Variants in CDC37L1 observed in about 807,000 individuals in gnomAD.
The protein encoded by CDC37L1 is hsp90 co-chaperone Cdc37-like 1.
A neutral mutation model predicts 45.9 loss-of-function variants in CDC37L1; 32 were observed. That is an observed-to-expected ratio of 0.70 (90% CI 0.53 to 0.94). The LOEUF (loss-of-function observed/expected upper bound fraction) is 0.94. Among genes scored for constraint, CDC37L1 ranks in the 40% least tolerant of loss-of-function variants. CDC37L1 has a pLI of 0.00. For synonymous variants in CDC37L1, 150 were observed against 133.0 expected, an observed-to-expected ratio of 1.13 and a Z score of -0.88; for missense variants, 434 against 405.7, an observed-to-expected ratio of 1.07 and a Z score of -0.60.
In CDC37L1 at chr9:4,701,962, G is replaced by A. The variant is rs780950371; in HGVS notation, c.846G>A (p.Met282Ile). The change falls in exon 6 of 7, where the codon ATG becomes ATA. Residue 282 changes from methionine to isoleucine, a missense_variant. Coordinates refer to ENST00000381854, the MANE Select transcript of CDC37L1 (RefSeq NM_017913.4). ...CTCAATCACAAAGTTTTCAACCTAT[G>A]ACAGTTCAGAATCATGTTCCCCATT... ...LYSQSQSFQP[M>I]TVQNHVPHSG... The A allele has an allele frequency of 9.5e-6, 15 of 1,572,740 alleles. No individual in the cohort carries two copies. The highest frequency in any genetic ancestry group is 2.8e-5 in the African/African-American group (2 of 72,044).
In CDC37L1 at chr9:4,688,507, T is replaced by C; in HGVS notation, c.415-6T>C. 2 of 1,377,000 alleles carry C rather than the reference T, an allele frequency of 1.5e-6. No homozygotes were observed. Among genetic ancestry groups the C allele is most frequent in the South Asian group, 2.8e-5 (2 of 71,188 alleles). The allele number at this position is 1,377,000 out of a possible 1,614,324, so 85.3% of individuals were successfully genotyped here. ...TCTGATTTAAATTTCTAAAATTTTT[T>C]CTTAGAGTTTTATTAATCAAGATAA... is the stretch of plus-strand genomic sequence containing the variant. On this transcript the variant is annotated splice_region_variant and splice_polypyrimidine_tract_variant and intron_variant, in intron 2 of 6. Transcript: ENST00000381854.
intron 6 of CDC37L1, among the ~76,000 whole-genome samples, chr9:4,704,433 G>C (rs911287350): frequency 1.3e-5 from 2 of 152,118 alleles, no homozygotes; most frequent in Non-Finnish European, 2.9e-5. Context: ...GGTTAGGTCG[G>C]GTATACCGAT....
At chr9:4,687,434 G>T (rs913160003) in intron 2 of CDC37L1, among the ~76,000 whole-genome samples, 1 of 152,012 alleles carries the variant, frequency 6.6e-6, no homozygotes, top group African/African-American at 2.4e-5. Flanking sequence ...ATCCCAGCAC[G>T]TTGGAAGGCC....
intron 5 of CDC37L1, among the ~76,000 whole-genome samples, chr9:4,698,139 A>C (rs1024073419): frequency 1.3e-5 from 2 of 152,230 alleles, no homozygotes; most frequent in Admixed American, 6.5e-5. Flanking sequence ...CTTACGTTCC[A>C]TCATTAATTC....
At chr9:4,701,418 G>T (rs1841394889) in intron 5 of CDC37L1, among the ~76,000 whole-genome samples, 1 of 152,122 alleles carries the variant, frequency 6.6e-6, no homozygotes, top group Non-Finnish European at 1.5e-5. Context: ...AAAATTACTA[G>T]GAACAGGTAA....
intron 3 of CDC37L1, among the ~76,000 whole-genome samples, chr9:4,694,557 G>T (rs1841329217): frequency 6.6e-6 from 1 of 151,744 alleles, no homozygotes; most frequent in Non-Finnish European, 1.5e-5. Context: ...TTCGTCTCAG[G>T]TATTAAATAG....
At chr9:4,688,690 C>A in intron 3 of CDC37L1, 84 bp downstream of exon 3, 1 of 893,432 alleles carries the variant, frequency 1.1e-6, no homozygotes, top group Non-Finnish European at 1.6e-6. Flanking sequence ...AAAAAGAGAG[C>A]CAAAAAGAAA....
intron 2 of CDC37L1, among the ~76,000 whole-genome samples, chr9:4,686,313 C>T (rs919513953): frequency 6.6e-6 from 1 of 152,192 alleles, no homozygotes; most frequent in Non-Finnish European, 1.5e-5. Flanking sequence ...CCTATCAGTA[C>T]TTTAACAGTG....
intron 5 of CDC37L1, among the ~76,000 whole-genome samples, chr9:4,699,705 G>C (rs1841380148): frequency 6.6e-6 from 1 of 152,134 alleles, no homozygotes. Context: ...TAACCTCAGG[G>C]AGGGAGGGGG....
At chr9:4,681,184 AG>A in intron 1 of CDC37L1, among the ~76,000 whole-genome samples, 1 of 152,220 alleles carries the variant, frequency 6.6e-6, no homozygotes, top group Non-Finnish European at 1.5e-5. Flanking sequence ...AAGAGAAAAA[AG>A]GGTGTCAAGA....
intron 3 of CDC37L1, among the ~76,000 whole-genome samples, chr9:4,693,620 G>C (rs953235138): frequency 1.3e-5 from 2 of 152,118 alleles, no homozygotes; most frequent in Non-Finnish European, 2.9e-5. Context: ...AAATATATAG[G>C]TTAAAGCATA....
chr9:4,683,104 T>C (rs953493771), intron 1 of CDC37L1, among the ~76,000 whole-genome samples: 2 of 144,088 alleles, frequency 1.4e-5, no homozygotes, highest in African/African-American at 5.0e-5. Flanking sequence ...TTTATTTTTA[T>C]ATATAAAATA....
At position 4,696,737 on chromosome 9, in the gene CDC37L1, AG is replaced by A. The variant is rs1587621419; in HGVS notation, c.509-358del. Among the ~76,000 whole-genome samples, 3 of 152,254 alleles carry A rather than the reference AG, an allele frequency of 2.0e-5. No homozygotes were observed. In the East Asian group the frequency reaches 5.8e-4, roughly 29 times the overall value. On this transcript the variant is annotated intron_variant, in intron 3 of 6. Transcript: ENST00000381854. ...ATTTTTAAAAGACTTTGTTTATAAC[AG>A]ACATCATGAGTAAATGGCTTACATA...
At chr9:4,682,249 G>A (rs1409367484) in intron 1 of CDC37L1, among the ~76,000 whole-genome samples, 3 of 141,714 alleles carry the variant, frequency 2.1e-5, no homozygotes, top group South Asian at 2.2e-4. Flanking sequence ...CACAGCCTCC[G>A]CCTCCCAGGC....
intron 1 of CDC37L1, among the ~76,000 whole-genome samples, chr9:4,683,053 A>G (rs1315781297): frequency 6.9e-6 from 1 of 143,964 alleles, no homozygotes; most frequent in Admixed American, 7.1e-5. Flanking sequence ...TATATTTTAA[A>G]ATATATTTTA....
intron 5 of CDC37L1, among the ~76,000 whole-genome samples, chr9:4,698,460 A>G (rs1013778686): frequency 6.7e-6 from 1 of 150,198 alleles, no homozygotes; most frequent in Non-Finnish European, 1.5e-5. Context: ...GATGTTGGCT[A>G]TGTTGAAGAA....
chr9:4,687,678 C>CAAAAA (rs59932144), intron 2 of CDC37L1, among the ~76,000 whole-genome samples: 33 of 58,356 alleles, frequency 5.7e-4, no homozygotes, highest in African/African-American at 9.7e-4. Flanking sequence ...GACCCCATCT[C>CAAAAA]AAAAAAAAAA....
rs1411834268 is a variant in CDC37L1 at position 4,685,122 on chromosome 9, G to T, written c.378G>T (p.Trp126Cys). The change falls in exon 2 of 7, where the codon TGG becomes TGT. Residue 126 changes from tryptophan to cysteine, a missense_variant. Trp to Cys is a radical substitution (Grantham distance 215). Coordinates refer to ENST00000381854, the MANE Select transcript of CDC37L1 (RefSeq NM_017913.4). ...TACAAAGAGAGAAGATGTGTCTGTG[G>T]AGCACGGATGCCATTAGCAAGGATG... ...ALVQREKMCL[W>C]STDAISKDVF... 1.2e-6 allele frequency: 2 copies of T among 1,613,818 alleles called. No homozygotes were observed. The highest frequency in any genetic ancestry group is 8.5e-7 in the Non-Finnish European group (1 of 1,179,834).
chr9:4,699,766 A>T (rs906614604), intron 5 of CDC37L1, among the ~76,000 whole-genome samples: 2 of 152,106 alleles, frequency 1.3e-5, no homozygotes, highest in African/African-American at 4.8e-5. Flanking sequence ...CCATATCCTA[A>T]TTTCTATGGG....
Sources: gnomAD v4.1 joint callset for allele counts (sites outside exome capture counted in the v4.1 genomes callset) on GRCh38, gnomAD v4.1.1 for gene constraint, MANE v1.5 for transcripts, NCBI Gene and HGNC (gene_info 2026-07-23, HGNC 2026-07-21) for gene names.